The following GNG2 variants were observed in gnomAD, a reference collection of about 807,000 sequenced individuals.
The protein encoded by GNG2 is G protein subunit gamma 2.
In GNG2, 5 loss-of-function variants were observed where a neutral mutation model predicts 5.5. The ratio of observed to expected loss-of-function variants is 0.91; its 90% confidence interval spans 0.48 to 1.92. The LOEUF (loss-of-function observed/expected upper bound fraction) is 1.92, where lower values mean the gene tolerates loss of function less well. Among genes scored for constraint, GNG2 ranks in the 30% most tolerant of loss-of-function variants. The probability of loss-of-function intolerance (pLI) is 0.01; values close to 1 mark genes in which losing one functional copy is unlikely to be tolerated. For synonymous variants in GNG2, 28 were observed against 32.0 expected, an observed-to-expected ratio of 0.88 and a Z score of 0.42; for missense variants, 55 against 88.4, an observed-to-expected ratio of 0.62 and a Z score of 1.52.
chr14:51,897,035 C>A (rs1355096199), intron 2 of GNG2, among the ~76,000 whole-genome samples: 1 of 152,144 alleles, frequency 6.6e-6, no homozygotes, highest in Non-Finnish European at 1.5e-5. Flanking sequence ...GTGAATAATG[C>A]TACTATGCAG....
rs1435873393 is a variant in GNG2, at chr14:51,949,248, A to G, written c.-29-1402A>G. On this transcript the variant is annotated intron_variant, in intron 2 of 3. Transcript: ENST00000556766. ...TAATATTCTCCATGAAGGGATTTGT[A>G]TGTTACAGAGAGTTATACCTAATTT... 2.0e-5 allele frequency among the ~76,000 whole-genome samples: 3 copies of G among 152,014 alleles called. No homozygotes were observed. The South Asian group carries it at 6.2e-4, about 31-fold the overall frequency.
intron 2 of GNG2, among the ~76,000 whole-genome samples, chr14:51,947,999 G>A (rs1888738654): frequency 1.3e-5 from 2 of 152,216 alleles, no homozygotes; most frequent in African/African-American, 4.8e-5. Flanking sequence ...GATCCTTCCT[G>A]TTCACCCTAG....
intron 2 of GNG2, among the ~76,000 whole-genome samples, chr14:51,891,537 C>G (rs17124723): frequency 4.7e-3 from 712 of 152,316 alleles, no homozygotes; most frequent in African/African-American, 0.016. Flanking sequence ...TTAAAAACTC[C>G]TGTATGCTTC....
intron 2 of GNG2, among the ~76,000 whole-genome samples, chr14:51,909,658 A>G (rs1363439286): frequency 2.0e-5 from 3 of 152,230 alleles, no homozygotes; most frequent in Admixed American, 1.3e-4. Context: ...TCAGAGCTGC[A>G]TGTAACTCCA....
At chr14:51,872,305 CTA>C (rs1883356609) in intron 1 of GNG2, among the ~76,000 whole-genome samples, 1 of 135,104 alleles carries the variant, frequency 7.4e-6, no homozygotes, top group Admixed American at 7.2e-5. Context: ...TTTTAAATGA[CTA>C]TTTTGTGTGT....
At chr14:51,952,951 A>T (rs771756334) in intron 3 of GNG2, among the ~76,000 whole-genome samples, 1 of 152,212 alleles carries the variant, frequency 6.6e-6, no homozygotes, top group Non-Finnish European at 1.5e-5. Flanking sequence ...AGTGTATACA[A>T]AGTTCCTGTG....
chr14:51,966,641 C>T lies in GNG2; in HGVS notation c.170C>T (p.Ser57Leu). Reference sequence around the variant, plus strand: ...CCCCTCCTGACCCCTGTTCCGGCTTCAGAAAACCCGTTTAGGGAGAAGAAG... The same window carrying T: ...CCCCTCCTGACCCCTGTTCCGGCTTTAGAAAACCCGTTTAGGGAGAAGAAG... Reference protein sequence around the residue: ...EDPLLTPVPASENPFREKKFF... With the variant: ...EDPLLTPVPALENPFREKKFF... The change falls in exon 4 of 4, where the codon TCA (serine) becomes TTA (leucine). Residue 57 changes from serine (S) to leucine (L), a missense_variant. Ser to Leu is a moderately radical substitution (Grantham distance 145). Transcript: ENST00000556766. 1 of 1,613,876 alleles carries T rather than the reference C, an allele frequency of 6.2e-7. No individual in the cohort carries two copies. Among genetic ancestry groups the T allele is most frequent in the Non-Finnish European group, 8.5e-7 (1 of 1,179,756 alleles).
At chr14:51,883,912 A>C (rs964818332) in intron 2 of GNG2, among the ~76,000 whole-genome samples, 5 of 152,160 alleles carry the variant, frequency 3.3e-5, no homozygotes, top group African/African-American at 7.2e-5. Context: ...GGTTTTTTTA[A>C]TCATGAAAGA....
At chr14:51,934,982 A>G (rs190866562) in intron 2 of GNG2, among the ~76,000 whole-genome samples, 14 of 151,322 alleles carry the variant, frequency 9.3e-5, no homozygotes, top group African/African-American at 1.7e-4. Context: ...TCTGTAAAAC[A>G]GTGCACAAAA....
At chr14:51,942,113 G>A (rs4271524) in intron 2 of GNG2, among the ~76,000 whole-genome samples, 11 of 151,978 alleles carry the variant, frequency 7.2e-5, no homozygotes, top group Non-Finnish European at 1.3e-4. Context: ...ACCAGATATC[G>A]ATAAAGCATA....
chr14:51,945,898 GTTGTTTGT>G (rs142051968), intron 2 of GNG2, among the ~76,000 whole-genome samples: 3 of 151,310 alleles, frequency 2.0e-5, no homozygotes, highest in Non-Finnish European at 2.9e-5. Context: ...CTCACGTTGC[GTTGTTTGT>G]TTGTTTGTTT....
At chr14:51,955,551 C>T (rs1013207177) in intron 3 of GNG2, among the ~76,000 whole-genome samples, 1 of 152,146 alleles carries the variant, frequency 6.6e-6, no homozygotes, top group African/African-American at 2.4e-5. Context: ...CAGTAGACAG[C>T]TTTAAATTTG....
At chr14:51,915,124 G>C (rs1886537194) in intron 2 of GNG2, among the ~76,000 whole-genome samples, 1 of 152,182 alleles carries the variant, frequency 6.6e-6, no homozygotes, top group Admixed American at 6.5e-5. Flanking sequence ...GCCACGTTTA[G>C]AGCTTAAGTG....
intron 3 of GNG2, among the ~76,000 whole-genome samples, chr14:51,958,297 G>T (rs1889383897): frequency 6.6e-6 from 1 of 152,112 alleles, no homozygotes; most frequent in South Asian, 2.1e-4. Flanking sequence ...CTGGTTCCTG[G>T]TTCCTTTGAG....
intron 3 of GNG2, among the ~76,000 whole-genome samples, chr14:51,965,028 G>A (rs550900565): frequency 6.6e-6 from 1 of 152,200 alleles, no homozygotes; most frequent in African/African-American, 2.4e-5. Context: ...TATTTCAGTC[G>A]GACGAAGTGG....
intron 2 of GNG2, among the ~76,000 whole-genome samples, chr14:51,889,413 G>A (rs954659336): frequency 8.6e-5 from 13 of 152,024 alleles, no homozygotes; most frequent in Non-Finnish European, 8.8e-5. Context: ...TTGCTTTTTT[G>A]GGGTGATGAA....
chr14:51,942,589 CTTTT>C (rs56883654), intron 2 of GNG2, among the ~76,000 whole-genome samples: 1 of 81,140 alleles, frequency 1.2e-5, no homozygotes, highest in Non-Finnish European at 2.3e-5. Flanking sequence ...TTCTTTCTTT[CTTTT>C]TTTTTTTTTT....
At chr14:51,957,617 G>T (rs967140086) in intron 3 of GNG2, among the ~76,000 whole-genome samples, 8 of 152,158 alleles carry the variant, frequency 5.3e-5, no homozygotes. Flanking sequence ...ACAATCATCA[G>T]AATCAGGAAA....
rs371999055 is a variant in GNG2, at chr14:51,908,575, G to T, written c.-30+30918G>T. ...CTATCTATCTATCCATATATATAGA[G>T]AGAGAGAGAGAGAAGAGAGTGTCTC... is the stretch of plus-strand genomic sequence containing the variant. On this transcript the variant is annotated intron_variant, in intron 2 of 3. Transcript: ENST00000556766. 6.5e-3 allele frequency among the ~76,000 whole-genome samples: 928 copies of T among 141,816 alleles called. 6 individuals carry two copies. Among genetic ancestry groups the T allele is most frequent in the Middle Eastern group, 0.022 (6 of 270 alleles). 93.0% of individuals were successfully genotyped at this position (141,816 alleles called of 152,430 possible).
Sources: gnomAD v4.1 joint callset for allele counts (sites outside exome capture counted in the v4.1 genomes callset) on GRCh38, gnomAD v4.1.1 for gene constraint, MANE v1.5 for transcripts, NCBI Gene and HGNC (gene_info 2026-07-23, HGNC 2026-07-21) for gene names.